LITAF: variants seen among roughly 807,000 people sequenced by gnomAD.
LITAF encodes the protein lipopolysaccharide induced TNF factor.
In LITAF, 9 loss-of-function variants were observed where a neutral mutation model predicts 14.5. That is an observed-to-expected ratio of 0.62 (90% CI 0.37 to 1.08). LITAF has a LOEUF of 1.08. LITAF is among the 50% of genes least tolerant of loss of function. The pLI, the probability that LITAF is intolerant of heterozygous loss-of-function variation, is 0.01. For missense variants in LITAF, 206 were observed against 213.4 expected, an observed-to-expected ratio of 0.97 and a Z score of 0.22; for synonymous variants, 98 against 88.2, an observed-to-expected ratio of 1.11 and a Z score of -0.62.
At chr16:11,637,624 C>T (rs1261620801), upstream of LITAF, among the ~76,000 whole-genome samples, 1 of 152,144 alleles carries the variant, frequency 6.6e-6, no homozygotes, top group Non-Finnish European at 1.5e-5. Flanking sequence ...CTGCACGCAG[C>T]GGCTCACGCC....
At chr16:11,572,271 G>A (rs1367819168) in intron 1 of LITAF, among the ~76,000 whole-genome samples, 1 of 151,878 alleles carries the variant, frequency 6.6e-6, no homozygotes, top group East Asian at 1.9e-4. Flanking sequence ...CGAAGCCCTT[G>A]TGGTTCCCCC....
intron 2 of LITAF, chr16:11,635,786 T>A (rs1373523406): frequency 6.6e-6 from 1 of 152,194 alleles, no homozygotes; most frequent in Non-Finnish European, 1.5e-5. Flanking sequence ...CTTTCCTCTG[T>A]GGGACATACG....
intron 1 of LITAF, among the ~76,000 whole-genome samples, chr16:11,578,485 C>G (rs560142876): frequency 6.6e-6 from 1 of 152,100 alleles, no homozygotes; most frequent in Non-Finnish European, 1.5e-5. Flanking sequence ...GAGCCAAGAT[C>G]GCACCATTGC....
At position 11,548,966 on chromosome 16, in the gene LITAF, T is replaced by C. The variant is rs1194262577; in HGVS notation, c.*671A>G. 8 of 453,946 alleles carry C rather than the reference T, an allele frequency of 1.8e-5. No homozygotes were observed. In the East Asian group the frequency reaches 5.6e-4, roughly 32 times the overall value. 28.1% of individuals were successfully genotyped at this position (453,946 alleles called of 1,614,324 possible). On this transcript the variant is annotated 3_prime_UTR_variant, in exon 4 of 4. Coordinates refer to ENST00000622633, the MANE Select transcript of LITAF (RefSeq NM_001136472.2). The stretch of plus-strand genomic sequence containing the variant: ...AGAGAAACAAGGGGAGACAGGGCAG[T>C]GATAAGATCCAGCCCTATTTTTCTA...
At chr16:11,567,875 G>A (rs570851265) in intron 1 of LITAF, among the ~76,000 whole-genome samples, 2 of 152,176 alleles carry the variant, frequency 1.3e-5, no homozygotes, top group Admixed American at 6.5e-5. Context: ...TCCCAGCTAT[G>A]TGGGTGACTG....
upstream of LITAF, among the ~76,000 whole-genome samples, chr16:11,638,955 G>C (rs1274198964): frequency 2.0e-5 from 3 of 151,558 alleles, no homozygotes; most frequent in East Asian, 5.8e-4. Flanking sequence ...GTAACAAATT[G>C]TTCAAGGAAA....
intron 3 of LITAF, among the ~76,000 whole-genome samples, chr16:11,611,384 G>C (rs897409070): frequency 3.3e-5 from 5 of 152,116 alleles, no homozygotes; most frequent in African/African-American, 9.7e-5. Flanking sequence ...TCAAATGTCA[G>C]AGAAACAGTG....
chr16:11,589,923 C>CCACACGTTCTGATTTTAAAACTT (rs1597362996), upstream of LITAF, among the ~76,000 whole-genome samples: 205 of 117,166 alleles, frequency 1.7e-3, 7 homozygotes, highest in East Asian at 3.5e-3. Context: ...CACACCCAGC[C>CCACACGTTCTGATTTTAAAACTT]AGTTGCATTT....
At chr16:11,572,471 G>A (rs2064559709) in intron 1 of LITAF, among the ~76,000 whole-genome samples, 2 of 149,178 alleles carry the variant, frequency 1.3e-5, no homozygotes, top group African/African-American at 2.6e-5. Flanking sequence ...CCAGCGAGAA[G>A]TCACATGACA....
At chr16:11,559,915 A>T (rs1459488120) in intron 1 of LITAF, among the ~76,000 whole-genome samples, 1 of 151,692 alleles carries the variant, frequency 6.6e-6, no homozygotes. Flanking sequence ...GAATCACTTA[A>T]ACCCAGGAGT....
chr16:11,587,339 T>G (rs1316567643), upstream of LITAF: 1 of 443,068 alleles, frequency 2.3e-6, no homozygotes, highest in African/African-American at 2.1e-5. Context: ...ACCACCAACC[T>G]CGACCCCGGA....
chr16:11,576,181 G>A (rs572763827), intron 1 of LITAF, among the ~76,000 whole-genome samples: 18 of 152,052 alleles, frequency 1.2e-4, no homozygotes, highest in Non-Finnish European at 1.8e-4. Flanking sequence ...TTCTAAAATC[G>A]ATCCCAGCTG....
chr16:11,589,087 G>A (rs2064833454), upstream of LITAF, among the ~76,000 whole-genome samples: 1 of 152,098 alleles, frequency 6.6e-6, no homozygotes, highest in African/African-American at 2.4e-5. Flanking sequence ...TTATTTATGG[G>A]GAGAGCTATA....
upstream of LITAF, among the ~76,000 whole-genome samples, chr16:11,638,036 A>G (rs1454669544): frequency 1.9e-5 from 2 of 102,688 alleles, no homozygotes; most frequent in Non-Finnish European, 3.5e-5. Flanking sequence ...ATATATCTAT[A>G]TATATCTATA....
chr16:11,563,693 A>G (rs563700722), intron 1 of LITAF, among the ~76,000 whole-genome samples: 2 of 152,138 alleles, frequency 1.3e-5, no homozygotes, highest in African/African-American at 4.8e-5. Context: ...GTAAACAGGC[A>G]ATAGAACGTT....
intron 1 of LITAF, chr16:11,561,624 C>T (rs753636077): frequency 4.6e-5 from 7 of 152,154 alleles, no homozygotes; most frequent in African/African-American, 1.7e-4. Flanking sequence ...GACTCATAAC[C>T]GCTGGTTTGG....
In LITAF at chr16:11,556,608, A is replaced by C. The variant is rs747854714; in HGVS notation, c.123T>G (p.Pro41=). 6 of 1,614,202 alleles carry C rather than the reference A, an allele frequency of 3.7e-6. No homozygotes were observed. The highest frequency in any genetic ancestry group is 5.1e-6 in the Non-Finnish European group (6 of 1,180,034). The change falls in exon 2 of 4, where the codon CCT becomes CCG. Residue 41 remains proline (P), a synonymous_variant. Coordinates refer to ENST00000622633, the MANE Select transcript of LITAF (RefSeq NM_001136472.2). ...CCGTCACAAGCCCCGTAGTTGGCCC[A>C]GGCATGGGAGCTGGAGGTGTGGGGT... ...SYYPTPPAPM[P]GPTTGLVTGP... is the part of the protein sequence containing the mutation.
At chr16:11,591,046 A>C (rs1289643495), upstream of LITAF, among the ~76,000 whole-genome samples, 3 of 118,108 alleles carry the variant, frequency 2.5e-5, 1 homozygote, top group African/African-American at 1.2e-4. Flanking sequence ...GTCCAATGTA[A>C]TCTCTATCAA....
upstream of LITAF, among the ~76,000 whole-genome samples, chr16:11,601,610 C>T (rs2064926748): frequency 3.9e-5 from 6 of 152,204 alleles, no homozygotes; most frequent in Non-Finnish European, 1.5e-5. Flanking sequence ...CGCTCTGTCG[C>T]TCAGGCTGGA....
Sources: gnomAD v4.1 joint callset for allele counts (sites outside exome capture counted in the v4.1 genomes callset) on GRCh38, gnomAD v4.1.1 for gene constraint, MANE v1.5 for transcripts, NCBI Gene and HGNC (gene_info 2026-07-23, HGNC 2026-07-21) for gene names.